The following FAM133B variants were observed in gnomAD, a reference collection of about 807,000 sequenced individuals.
The protein encoded by FAM133B is family with sequence similarity 133 member B.
A neutral mutation model predicts 46.4 loss-of-function variants in FAM133B; 25 were observed. That is an observed-to-expected ratio of 0.54 (90% CI 0.39 to 0.75). The LOEUF (loss-of-function observed/expected upper bound fraction) is 0.75, where lower values mean the gene tolerates loss of function less well. Ranked by LOEUF, FAM133B falls within the 30% of genes least tolerant of loss-of-function variation. The pLI, the probability that FAM133B is intolerant of heterozygous loss-of-function variation, is 0.00. For synonymous variants in FAM133B, 75 were observed against 86.0 expected, an observed-to-expected ratio of 0.87 and a Z score of 0.71; for missense variants, 205 against 277.6, an observed-to-expected ratio of 0.74 and a Z score of 1.86.
chr7:92,572,721 A>C (rs552304298), intron 8 of FAM133B, among the ~76,000 whole-genome samples: 32 of 152,332 alleles, frequency 2.1e-4, no homozygotes, highest in Admixed American at 1.2e-3. Context: ...TCCATCTCGG[A>C]AAACAAAAAA....
At chr7:92,568,847 T>C (rs1306199438) in intron 9 of FAM133B, among the ~76,000 whole-genome samples, 3 of 152,178 alleles carry the variant, frequency 2.0e-5, no homozygotes, top group Admixed American at 6.5e-5. Flanking sequence ...AGCAACCTTC[T>C]TGCCTCAGCA....
rs909589391 is a variant in FAM133B, at chr7:92,562,386, T to C, written c.658-18A>G. 1.4e-5 allele frequency: 21 copies of C among 1,525,110 alleles called. No homozygotes were observed. The Admixed American group carries it at 4.3e-4, about 31-fold the overall frequency. The allele number at this position is 1,525,110 out of a possible 1,614,324, so 94.5% of individuals were successfully genotyped here. A position where few individuals can be genotyped will look rare whatever the true frequency, so the allele number is the denominator to read the frequency against. The stretch of plus-strand genomic sequence containing the variant: ...GTTTTTTCCTGTAAAGATAATTCCA[T>C]GTTAGACATTACTATATAAAAATAC... On this transcript the variant is annotated intron_variant, in intron 10 of 10. Coordinates refer to ENST00000445716, the MANE Select transcript of FAM133B (RefSeq NM_152789.4).
chr7:92,578,209 A>G (rs766867341), intron 4 of FAM133B, 27 bp from the exon 5 acceptor site: 8 of 1,611,534 alleles, frequency 5.0e-6, no homozygotes, highest in African/African-American at 1.3e-5. Flanking sequence ...GTACAAGTCT[A>G]AATAAGCTGA....
chr7:92,567,144 G>C (rs1794374440), intron 9 of FAM133B, among the ~76,000 whole-genome samples: 1 of 152,130 alleles, frequency 6.6e-6, no homozygotes, highest in African/African-American at 2.4e-5. Flanking sequence ...TTGAGCCCAG[G>C]AGTTCCAGGC....
In FAM133B at chr7:92,585,403, G is replaced by A. The variant is rs561949323; in HGVS notation, c.25-3800C>T. The A allele has an allele frequency of 8.2e-6, 8 of 972,696 alleles. No individual in the cohort carries two copies. The Admixed American group carries it at 2.5e-4, about 30-fold the overall frequency. The allele number at this position is 972,696 out of a possible 1,614,324, so 60.3% of individuals were successfully genotyped here. On this transcript the variant is annotated intron_variant, in intron 1 of 10. Transcript: ENST00000445716. ...GTCATAATTTTGGCAGTACCTAATG[G>A]CAAAATATTTCAGGTTAGAATTGTA...
intron 9 of FAM133B, among the ~76,000 whole-genome samples, chr7:92,566,475 A>G (rs980155058): frequency 5.3e-5 from 8 of 151,952 alleles, no homozygotes; most frequent in African/African-American, 1.9e-4. Context: ...CAAGAAAAAA[A>G]AAAAAGAAAA....
chr7:92,581,590 G>C lies in FAM133B; in HGVS notation c.38C>G (p.Pro13Arg). The change falls in exon 2 of 11, where the codon CCA becomes CGA. Residue 13 changes from proline (P) to arginine (R), a missense_variant. Coordinates refer to ENST00000445716, the MANE Select transcript of FAM133B (RefSeq NM_152789.4). ...ACCCCTTGATCTCGCCATTGCTATT[G>C]GGTTCATATAGGCCTTGGGGAAAGA... ...KRDNRVAYMN[P>R]IAMARSRGPI... The C allele has an allele frequency of 6.2e-7, 1 of 1,613,564 alleles. No homozygotes were observed. Among genetic ancestry groups the C allele is most frequent in the Non-Finnish European group, 8.5e-7 (1 of 1,179,656 alleles).
chr7:92,564,059 A>G (rs573263082), intron 10 of FAM133B, among the ~76,000 whole-genome samples: 4 of 152,342 alleles, frequency 2.6e-5, no homozygotes, highest in Admixed American at 2.6e-4. Flanking sequence ...TCTGCTGTGT[A>G]ATGTAAGTAA....
Position 92,575,790 on chromosome 7 carries a change from T to C in FAM133B, c.497A>G (p.Asp166Gly), listed in dbSNP as rs771265660. The C allele has an allele frequency of 7.3e-6, 10 of 1,374,268 alleles. No homozygotes were observed. In the African/African-American group the frequency reaches 1.3e-4, roughly 18 times the overall value. 85.1% of individuals were successfully genotyped at this position (1,374,268 alleles called of 1,614,324 possible). Residue 166 changes from aspartate (D) to glycine (G), a missense_variant, in exon 8 of 11, where the codon GAT (aspartate) becomes GGT (glycine). Transcript: ENST00000445716. Reference sequence around the variant, plus strand: ...AGTTACCTTTTCTTTCTCAGTTCCATCTTTTGACTTCTTTTTCTTTTTTAA... The same window carrying C: ...AGTTACCTTTTCTTTCTCAGTTCCACCTTTTGACTTCTTTTTCTTTTTTAA... ...DSLKKKKKSK[D>G]GTEKEKDIKG...
chr7:92,590,189 G>C lies in FAM133B; in HGVS notation c.24+79C>G, dbSNP rs531217998. 66 of 1,609,502 alleles carry C rather than the reference G, an allele frequency of 4.1e-5. No individual in the cohort carries two copies. The South Asian group carries it at 6.8e-4, about 17-fold the overall frequency. ...AGGGCTGCCGCTTGCCCTCCGGCCC[G>C]GCCGGGAACAGCGAGGGTTCTCGCT... On this transcript the variant is annotated intron_variant, in intron 1 of 10. Transcript: ENST00000445716.
chr7:92,575,773 T>C lies in FAM133B; in HGVS notation c.514A>G (p.Lys172Glu), dbSNP rs749631536. The change falls in exon 8 of 11, where the codon AAG becomes GAG. Residue 172 changes from lysine (K) to glutamate (E), a missense_variant and splice_region_variant. Coordinates refer to ENST00000445716, the MANE Select transcript of FAM133B (RefSeq NM_152789.4). ...KKSKDGTEKE[K>E]DIKGLSKKRK... ...AGGCAATGTAAAAGTATAGTTACCTTTTCTTTCTCAGTTCCATCTTTTGAC... is the reference window on the plus strand; with the variant it reads ...AGGCAATGTAAAAGTATAGTTACCTCTTCTTTCTCAGTTCCATCTTTTGAC... 3 of 1,366,552 alleles carry C rather than the reference T, an allele frequency of 2.2e-6. No homozygotes were observed. In the South Asian group the frequency reaches 3.5e-5, roughly 16 times the overall value. The allele number at this position is 1,366,552 out of a possible 1,614,324, so 84.7% of individuals were successfully genotyped here. A position where few individuals can be genotyped will look rare whatever the true frequency, so the allele number is the denominator to read the frequency against.
At chr7:92,581,726 C>A in intron 1 of FAM133B, 123 bp from the exon 2 acceptor site, 2 of 690,548 alleles carry the variant, frequency 2.9e-6, no homozygotes, top group Non-Finnish European at 4.9e-6. Context: ...TGCAATCTGA[C>A]TAACCAACTC....
chr7:92,579,368 C>T lies in FAM133B; in HGVS notation c.150G>A (p.Lys50=). The change falls in exon 3 of 11, where the codon AAG becomes AAA. Residue 50 remains lysine (K), a synonymous_variant. Transcript: ENST00000445716. ...TWEEVKEQLE[K]KKKGSKALAE... ...CCAAAGCCTTGGAGCCTTTCTTTTT[C>T]TTTTCTAGTTGCTCTTTTACTTCTT... The T allele has an allele frequency of 6.2e-7, 1 of 1,608,840 alleles. No individual in the cohort carries two copies. The highest frequency in any genetic ancestry group is 8.5e-7 in the Non-Finnish European group (1 of 1,178,278).
At chr7:92,565,754 C>T (rs1204284579) in intron 10 of FAM133B, 8 of 425,884 alleles carry the variant, frequency 1.9e-5, no homozygotes, top group Admixed American at 3.6e-5. Context: ...TGAGACACAG[C>T]GCCCAGCCCT....
At chr7:92,573,558 T>C (rs1175383520) in intron 8 of FAM133B, among the ~76,000 whole-genome samples, 1 of 151,988 alleles carries the variant, frequency 6.6e-6, no homozygotes, top group African/African-American at 2.4e-5. Context: ...GTTGATTACA[T>C]GTGTGTATAT....
Position 92,577,756 on chromosome 7 carries a change from G to A in FAM133B, c.310-39C>T, listed in dbSNP as rs376887780. 1.5e-5 allele frequency: 22 copies of A among 1,499,646 alleles called. No homozygotes were observed. In the African/African-American group the frequency reaches 2.4e-4, roughly 16 times the overall value. 92.9% of individuals were successfully genotyped at this position (1,499,646 alleles called of 1,614,324 possible). A position where few individuals can be genotyped will look rare whatever the true frequency, so the allele number is the denominator to read the frequency against. On this transcript the variant is annotated intron_variant, in intron 5 of 10. Transcript: ENST00000445716. The stretch of plus-strand genomic sequence containing the variant: ...AAAACAATTAAAGCTTGTGAGATGC[G>A]AGAATGTTTTTCTTTTACAAAGTCT...
At chr7:92,579,548 TA>T (rs1794803855) in intron 2 of FAM133B, among the ~76,000 whole-genome samples, 153 bp from the exon 3 acceptor site, 1 of 152,224 alleles carries the variant, frequency 6.6e-6, no homozygotes, top group African/African-American at 2.4e-5. Flanking sequence ...TTCACGTTTA[TA>T]AAAATAAATT....
chr7:92,572,965 A>G (rs1006951108), intron 8 of FAM133B, among the ~76,000 whole-genome samples: 2 of 152,252 alleles, frequency 1.3e-5, no homozygotes, highest in African/African-American at 4.8e-5. Context: ...TTCAGAAGGA[A>G]ACACAATGTT....
chr7:92,583,906 G>A (rs1255837710), intron 1 of FAM133B, among the ~76,000 whole-genome samples: 1 of 151,752 alleles, frequency 6.6e-6, no homozygotes, highest in Non-Finnish European at 1.5e-5. Flanking sequence ...AAAATTAGCT[G>A]AGTGTGGTGG....
Sources: allele counts gnomAD v4.1 joint callset (sites outside exome capture counted in the v4.1 genomes callset), GRCh38; gene constraint gnomAD v4.1.1; transcripts MANE v1.5; gene names NCBI Gene and HGNC (gene_info 2026-07-23, HGNC 2026-07-21).